PCCA: variants seen among roughly 807,000 people sequenced by gnomAD.
The protein encoded by PCCA is propionyl-CoA carboxylase subunit alpha, also known as propionyl-CoA carboxylase alpha chain, mitochondrial.
Under a neutral mutation model 101.3 loss-of-function variants are expected in PCCA, and 74 were observed. That is an observed-to-expected ratio of 0.73 (90% CI 0.61 to 0.89). The LOEUF (loss-of-function observed/expected upper bound fraction) is 0.89, where lower values mean the gene tolerates loss of function less well. PCCA is among the 40% of genes least tolerant of loss of function. PCCA has a pLI of 0.00. For missense variants in PCCA, 891 were observed against 907.0 expected (o/e 0.98, Z 0.23); for synonymous variants, 294 against 313.6 (o/e 0.94, Z 0.66).
At chr13:100,419,343 G>A (rs1351293971) in intron 19 of PCCA, among the ~76,000 whole-genome samples, 8 of 151,626 alleles carry the variant, frequency 5.3e-5, no homozygotes, top group African/African-American at 1.9e-4. Context: ...GTGGTGGTGG[G>A]CGCCTGTAAT....
intron 19 of PCCA, among the ~76,000 whole-genome samples, chr13:100,381,682 C>T (rs1038282119): frequency 1.3e-5 from 2 of 152,226 alleles, no homozygotes; most frequent in Admixed American, 1.3e-4. Context: ...CGCTTTGCCA[C>T]GGGGTGCCTC....
intron 21 of PCCA, among the ~76,000 whole-genome samples, chr13:100,465,317 A>G (rs2082432529): frequency 6.6e-6 from 1 of 152,242 alleles, no homozygotes. Context: ...CCCATGAGCC[A>G]AGCTTAGGAG....
rs575799948 is a variant in PCCA, at chr13:100,526,900, G to A, written c.2041-775G>A. 2.1e-4 allele frequency among the ~76,000 whole-genome samples: 32 copies of A among 152,372 alleles called. No individual in the cohort carries two copies. In the South Asian group the frequency reaches 5.8e-3, roughly 28 times the overall value. On this transcript the variant is annotated intron_variant, in intron 22 of 23. Transcript: ENST00000376285. The stretch of plus-strand genomic sequence containing the variant: ...GCAGTCTGAGCAAAGGCCCGTGGGC[G>A]CTCCCAGTCTCCTAGCATGGAATGC...
At chr13:100,312,461 G>A (rs936785481) in intron 16 of PCCA, among the ~76,000 whole-genome samples, 6 of 152,204 alleles carry the variant, frequency 3.9e-5, no homozygotes, top group African/African-American at 1.2e-4. Flanking sequence ...TGAAATAAAG[G>A]GGATGGGCAC....
chr13:100,486,828 A>C (rs182862245), intron 21 of PCCA, among the ~76,000 whole-genome samples: 57 of 152,326 alleles, frequency 3.7e-4, no homozygotes, highest in Admixed American at 7.2e-4. Context: ...CCGTGGTGGC[A>C]GGATCGCTTG....
At chr13:100,317,853 G>A (rs2067540592) in intron 16 of PCCA, among the ~76,000 whole-genome samples, 1 of 151,960 alleles carries the variant, frequency 6.6e-6, no homozygotes. Flanking sequence ...TTCCCAAAAT[G>A]TTGCAATAAC....
At chr13:100,279,147 C>T (rs753889573) in intron 12 of PCCA, among the ~76,000 whole-genome samples, 28 of 152,224 alleles carry the variant, frequency 1.8e-4, no homozygotes, top group Admixed American at 1.2e-3. Context: ...CTCTTGTTCA[C>T]GAACAGAGCT....
intron 6 of PCCA, among the ~76,000 whole-genome samples, chr13:100,166,003 A>G (rs2055001510): frequency 1.3e-5 from 2 of 152,276 alleles, no homozygotes; most frequent in African/African-American, 4.8e-5. Context: ...GTGCACATAT[A>G]TAAGAAATTA....
At chr13:100,309,421 A>G (rs1051095498) in intron 15 of PCCA, among the ~76,000 whole-genome samples, 2 of 152,140 alleles carry the variant, frequency 1.3e-5, no homozygotes, top group Non-Finnish European at 2.9e-5. Flanking sequence ...AAAAGAAAGG[A>G]AAGTGTTAGC....
At position 100,410,816 on chromosome 13, in the gene PCCA, C is replaced by T. The variant is rs530929535; in HGVS notation, c.1747-14817C>T. Among the ~76,000 whole-genome samples, 9 of 152,128 alleles carry T rather than the reference C, an allele frequency of 5.9e-5. 1 individual carries two copies. Among genetic ancestry groups the T allele is most frequent in the East Asian group, 1.9e-4 (1 of 5,180 alleles). On this transcript the variant is annotated intron_variant, in intron 19 of 23. Transcript: ENST00000376285. Reference sequence around the variant, plus strand: ...ATTAAATTTTGCATTAGTGTCAAATCGGTTGACTGTTTTTTTTGTTAAAGC... The same window carrying T: ...ATTAAATTTTGCATTAGTGTCAAATTGGTTGACTGTTTTTTTTGTTAAAGC...
In PCCA at chr13:100,417,420, A is replaced by G. The variant is rs144102796; in HGVS notation, c.1747-8213A>G. Among the ~76,000 whole-genome samples the G allele has an allele frequency of 5.2e-3, 799 of 152,272 alleles. 4 individuals carry two copies. The highest frequency in any genetic ancestry group is 0.018 in the African/African-American group (741 of 41,564). On this transcript the variant is annotated intron_variant, in intron 19 of 23. Coordinates refer to ENST00000376285, the MANE Select transcript of PCCA (RefSeq NM_000282.4). ...TTTACACTTTTCAAAAACAGGCGGC[A>G]CTTCCATGTGTTTATTTCCCCTTCA...
At chr13:100,493,076 C>G (rs1300744729) in intron 21 of PCCA, among the ~76,000 whole-genome samples, 2 of 152,220 alleles carry the variant, frequency 1.3e-5, no homozygotes, top group Non-Finnish European at 2.9e-5. Flanking sequence ...TAGCCATCCG[C>G]AGATGGCAGC....
chr13:100,441,145 C>A (rs901387835), intron 20 of PCCA, among the ~76,000 whole-genome samples: 2 of 152,174 alleles, frequency 1.3e-5, no homozygotes, highest in African/African-American at 4.8e-5. Flanking sequence ...TCCCACACCC[C>A]CACACATACA....
At chr13:100,467,837 T>G (rs1379035905) in intron 21 of PCCA, among the ~76,000 whole-genome samples, 1 of 152,238 alleles carries the variant, frequency 6.6e-6, no homozygotes, top group Non-Finnish European at 1.5e-5. Flanking sequence ...TAATTTGGCC[T>G]CTTCCCATGT....
chr13:100,380,149 C>T (rs1205152993), intron 19 of PCCA, among the ~76,000 whole-genome samples: 1 of 152,062 alleles, frequency 6.6e-6, no homozygotes, highest in African/African-American at 2.4e-5. Flanking sequence ...ATGACTTGAG[C>T]CCAAGAGTTC....
intron 19 of PCCA, among the ~76,000 whole-genome samples, chr13:100,400,630 CTTTT>C (rs1281449669): frequency 1.1e-5 from 1 of 90,976 alleles, no homozygotes; most frequent in African/African-American, 5.4e-5. Context: ...CTTTTTAGTT[CTTTT>C]TTTTTTTTTT....
Position 100,248,913 on chromosome 13 carries a change from AT to A in PCCA, c.638-8670del, listed in dbSNP as rs11285694. ...GGGCACCCGCCACCACGCCTGGCTA[AT>A]TTTTTTTTTTTGTACTTGTAGTAGA... On this transcript the variant is annotated intron_variant, in intron 8 of 23. Transcript: ENST00000376285. Among the ~76,000 whole-genome samples, 576 of 144,860 alleles carry A rather than the reference AT, an allele frequency of 4.0e-3. 2 individuals are homozygous for A. Among genetic ancestry groups the A allele is most frequent in the African/African-American group, 9.8e-3 (389 of 39,704 alleles).
intron 19 of PCCA, among the ~76,000 whole-genome samples, chr13:100,384,768 G>A (rs931788950): frequency 6.6e-6 from 1 of 152,036 alleles, no homozygotes. Flanking sequence ...CCTATTATAG[G>A]CTTTTAGTTT....
intron 7 of PCCA, among the ~76,000 whole-genome samples, chr13:100,222,972 A>T (rs2059911363): frequency 1.3e-5 from 2 of 152,210 alleles, no homozygotes; most frequent in African/African-American, 4.8e-5. Context: ...TCTGTCCTTG[A>T]ATCATCCTTT....
Sources: gnomAD v4.1 joint callset for allele counts (sites outside exome capture counted in the v4.1 genomes callset) on GRCh38, gnomAD v4.1.1 for gene constraint, MANE v1.5 for transcripts, NCBI Gene and HGNC (gene_info 2026-07-23, HGNC 2026-07-21) for gene names.